EPHX3: variants seen among roughly 807,000 people sequenced by gnomAD.
The protein encoded by EPHX3 is abhydrolase domain containing 9.
In EPHX3, 39 loss-of-function variants were observed where a neutral mutation model predicts 40.2. The observed-to-expected ratio is 0.97, with a 90% confidence interval of 0.75 to 1.27. The LOEUF is 1.27. EPHX3 is among the 50% of genes most tolerant of loss of function. The probability of loss-of-function intolerance (pLI) is 0.00; values close to 1 mark genes in which losing one functional copy is unlikely to be tolerated. For synonymous variants in EPHX3, 213 were observed against 209.7 expected, an observed-to-expected ratio of 1.02 and a Z score of -0.14; for missense variants, 442 against 474.0, an observed-to-expected ratio of 0.93 and a Z score of 0.63.
upstream of EPHX3, among the ~76,000 whole-genome samples, chr19:15,234,705 C>CA (rs747431954): frequency 3.9e-5 from 6 of 152,074 alleles, no homozygotes; most frequent in South Asian, 6.3e-4. Flanking sequence ...CCTTTAAAAA[C>CA]ACTCCACTTG....
At position 15,227,862 on chromosome 19, in the gene EPHX3, A is replaced by G; in HGVS notation, c.766T>C (p.Leu256=). 1 of 1,614,130 alleles carries G rather than the reference A, an allele frequency of 6.2e-7. No individual in the cohort carries two copies. Among genetic ancestry groups the G allele is most frequent in the South Asian group, 1.1e-5 (1 of 91,084 alleles). Reference sequence around the variant, plus strand: ...AAGGCCTCGAGCTCGCTGGGGGTCAAGCATGGGATGCCTGTCTTGCGGTGG... The same window carrying G: ...AAGGCCTCGAGCTCGCTGGGGGTCAGGCATGGGATGCCTGTCTTGCGGTGG... ...LTHRKTGIPC[L]TPSELEAFLY... The change falls in exon 6 of 7, where the codon TTG becomes CTG. Residue 256 remains leucine, a synonymous_variant. Transcript: ENST00000221730.
At chr19:15,233,841 G>C (rs1056409043), upstream of EPHX3, among the ~76,000 whole-genome samples, 4 of 152,134 alleles carry the variant, frequency 2.6e-5, no homozygotes, top group African/African-American at 9.7e-5. Flanking sequence ...GAGGCGGGCG[G>C]ATCACGAGGT....
In EPHX3 at chr19:15,227,675, C is replaced by CA; in HGVS notation, c.858-14dup. On this transcript the variant is annotated splice_polypyrimidine_tract_variant and intron_variant, in intron 6 of 6. Coordinates refer to ENST00000221730, the MANE Select transcript of EPHX3 (RefSeq NM_024794.3). ...CAGGGGGAAGTTCCTGTGGCCAGGACAGACAGACAGGCAGACAGACAGGCA... is the reference window on the plus strand; with the variant it reads ...CAGGGGGAAGTTCCTGTGGCCAGGACAAGACAGACAGGCAGACAGACAGGCA... 1 of 1,611,984 alleles carries CA rather than the reference C, an allele frequency of 6.2e-7. No homozygotes were observed. The highest frequency in any genetic ancestry group is 8.5e-7 in the Non-Finnish European group (1 of 1,179,072).
upstream of EPHX3, among the ~76,000 whole-genome samples, chr19:15,234,492 G>A (rs1438038068): frequency 1.3e-5 from 2 of 152,066 alleles, no homozygotes; most frequent in Non-Finnish European, 2.9e-5. Context: ...ACTTTTCAGA[G>A]AGACGACTTG....
At chr19:15,235,258 G>C (rs1390590832), upstream of EPHX3, among the ~76,000 whole-genome samples, 1 of 151,750 alleles carries the variant, frequency 6.6e-6, no homozygotes, top group African/African-American at 2.4e-5. Flanking sequence ...CTCCCACCCC[G>C]GCCTCCCAAA....
upstream of EPHX3, chr19:15,232,522 G>C (rs551802483): frequency 5.0e-6 from 5 of 992,468 alleles, no homozygotes; most frequent in African/African-American, 3.5e-5. Flanking sequence ...GGTCCTGTGC[G>C]GGGCTTAGGG....
In EPHX3 at chr19:15,227,550, G is replaced by A. The variant is rs1354157256; in HGVS notation, c.970C>T (p.Pro324Ser). 1 of 1,614,026 alleles carries A rather than the reference G, an allele frequency of 6.2e-7. No individual in the cohort carries two copies. Residue 324 changes from proline (P) to serine (S), a missense_variant, in exon 7 of 7, where the codon CCG becomes TCG. Physicochemically the swap from Pro to Ser is moderately conservative, Grantham distance 74. Coordinates refer to ENST00000221730, the MANE Select transcript of EPHX3 (RefSeq NM_024794.3). The part of the protein sequence containing the change: ...LVEAIGSRFV[P>S]GRLEAHILPG... ...AGGATGTGGGCCTCCAAGCGGCCCGGCACAAAGCGGCTGCCGATGGCTTCC... is the reference window on the plus strand; with the variant it reads ...AGGATGTGGGCCTCCAAGCGGCCCGACACAAAGCGGCTGCCGATGGCTTCC...
In EPHX3 at chr19:15,232,052, C is replaced by T. The variant is rs771874349; in HGVS notation, c.160G>A (p.Gly54Ser). The change falls in exon 1 of 7, where the codon GGC becomes AGC. Residue 54 changes from glycine (G) to serine (S), a missense_variant. Coordinates refer to ENST00000221730, the MANE Select transcript of EPHX3 (RefSeq NM_024794.3). Reference protein sequence around the residue: ...LTHVLCRPRRGCCGRRRSASP... With the variant: ...LTHVLCRPRRSCCGRRRSASP... The stretch of plus-strand genomic sequence containing the variant: ...GCGCTCCGACGGCGCCCGCAGCAGC[C>T]GCGCCGGGGCCGGCACAGCACGTGC... 2 of 1,580,644 alleles carry T rather than the reference C, an allele frequency of 1.3e-6. No homozygotes were observed. Among genetic ancestry groups the T allele is most frequent in the Non-Finnish European group, 1.7e-6 (2 of 1,169,848 alleles).
chr19:15,229,828 A>C (rs1336920675), intron 4 of EPHX3, among the ~76,000 whole-genome samples: 1 of 141,370 alleles, frequency 7.1e-6, no homozygotes, highest in Non-Finnish European at 1.5e-5. Flanking sequence ...CGGAGGTTGC[A>C]GTGAACTGAG....
Position 15,227,215 on chromosome 19 carries a change from T to G in EPHX3, c.*222A>C. The G allele has an allele frequency of 3.7e-6, 2 of 538,568 alleles. No homozygotes were observed. Among genetic ancestry groups the G allele is most frequent in the Non-Finnish European group, 3.3e-6 (1 of 301,342 alleles). The allele number at this position is 538,568 out of a possible 1,614,324, so 33.4% of individuals were successfully genotyped here. ...ACCCAGTTCCCAGGGTCAAAGTGTTTGTTACACACACATGCATCCATGCCT... is the reference window on the plus strand; with the variant it reads ...ACCCAGTTCCCAGGGTCAAAGTGTTGGTTACACACACATGCATCCATGCCT... On this transcript the variant is annotated 3_prime_UTR_variant, in exon 7 of 7. Coordinates refer to ENST00000221730, the MANE Select transcript of EPHX3 (RefSeq NM_024794.3).
chr19:15,230,886 G>A, intron 4 of EPHX3, 76 bp downstream of exon 4: 1 of 1,572,472 alleles, frequency 6.4e-7, no homozygotes, highest in Non-Finnish European at 8.7e-7. Context: ...GGTATACAGA[G>A]AATTGAAAAC....
chr19:15,229,315 G>T (rs2047135507), intron 4 of EPHX3, among the ~76,000 whole-genome samples: 1 of 151,610 alleles, frequency 6.6e-6, no homozygotes, highest in Non-Finnish European at 1.5e-5. Context: ...AGGAGGTAGA[G>T]GTTGCCAGGC....
At chr19:15,231,476 G>A (rs768509079) in intron 2 of EPHX3, 80 bp from the exon 3 acceptor site, 10 of 1,511,146 alleles carry the variant, frequency 6.6e-6, no homozygotes, top group Non-Finnish European at 8.9e-6. Flanking sequence ...GCAACCATTG[G>A]CAAACCCTCC....
chr19:15,229,969 C>T (rs999247419), intron 4 of EPHX3, among the ~76,000 whole-genome samples: 1 of 147,728 alleles, frequency 6.8e-6, no homozygotes, highest in African/African-American at 2.5e-5. Flanking sequence ...ACAGTTATGA[C>T]CACAGTGCTG....
At position 15,227,012 on chromosome 19, in the gene EPHX3, AG is replaced by A. The variant is rs2047116864; in HGVS notation, c.*424del. On this transcript the variant is annotated 3_prime_UTR_variant, in exon 7 of 7. Coordinates refer to ENST00000221730, the MANE Select transcript of EPHX3 (RefSeq NM_024794.3). ...ATGTGGTCAGCAGTATTGTATTCAG[AG>A]TAGCACTGAGCTGAAGACCCAGGCA... 1 of 228,616 alleles carries A rather than the reference AG, an allele frequency of 4.4e-6. No homozygotes were observed. The highest frequency in any genetic ancestry group is 8.7e-6 in the Non-Finnish European group (1 of 115,582). The allele number at this position is 228,616 out of a possible 1,614,324, so 14.2% of individuals were successfully genotyped here. A position where few individuals can be genotyped will look rare whatever the true frequency, so the allele number is the denominator to read the frequency against.
chr19:15,227,908 CT>C lies in EPHX3; in HGVS notation c.721-2del. The C allele has an allele frequency of 6.2e-7, 1 of 1,614,060 alleles. No homozygotes were observed. Among genetic ancestry groups the C allele is most frequent in the Non-Finnish European group, 8.5e-7 (1 of 1,180,022 alleles). On this transcript the variant is annotated splice_acceptor_variant, in intron 5 of 6. Transcript: ENST00000221730. LOFTEE classifies it high-confidence loss of function. ...GGTGGGTGAGGGTGGTCTTCAGAAT[CT>C]AGGTACACAGCAGGACTCTGGCTTC...
At position 15,229,885 on chromosome 19, in the gene EPHX3, CAAAAAAAAAAAAA is replaced by C. The variant is rs546876108; in HGVS notation, c.616+1064_616+1076del. On this transcript the variant is annotated intron_variant, in intron 4 of 6. Transcript: ENST00000221730. ...CTGGCGACAGAGCAAGACTCTGTCT[CAAAAAAAAAAAAA>C]AAAAAAAAAAAAAGAAAAGAAAAGA... is the stretch of plus-strand genomic sequence containing the variant. Among the ~76,000 whole-genome samples, 43 of 9,370 alleles carry C rather than the reference CAAAAAAAAAAAAA, an allele frequency of 4.6e-3. 1 individual carries two copies. The South Asian group carries it at 0.23, about 50-fold the overall frequency. The allele number at this position is 9,370 out of a possible 152,430, so 6.1% of individuals were successfully genotyped here. A position where few individuals can be genotyped will look rare whatever the true frequency, so the allele number is the denominator to read the frequency against.
In EPHX3 at chr19:15,227,840, G is replaced by T. The variant is rs565064118; in HGVS notation, c.788C>A (p.Ala263Asp). Residue 263 changes from alanine (A) to aspartate (D), a missense_variant, in exon 6 of 7, where the codon GCC becomes GAC. Physicochemically the swap from Ala to Asp is moderately radical, Grantham distance 126 (BLOSUM62 -2). Coordinates refer to ENST00000221730, the MANE Select transcript of EPHX3 (RefSeq NM_024794.3). ...IPCLTPSELE[A>D]FLYNFSQPGG... The stretch of plus-strand genomic sequence containing the variant: ...AGGCTGTGAGAAGTTATAAAGGAAG[G>T]CCTCGAGCTCGCTGGGGGTCAAGCA... The T allele has an allele frequency of 2.5e-6, 4 of 1,614,000 alleles. No homozygotes were observed. Among genetic ancestry groups the T allele is most frequent in the African/African-American group, 2.7e-5 (2 of 74,892 alleles).
At chr19:15,233,359 C>G (rs1440749457), upstream of EPHX3, 3 of 152,296 alleles carry the variant, frequency 2.0e-5, no homozygotes, top group African/African-American at 4.8e-5. Context: ...CACCCAGGGG[C>G]GCGCGACCCT....
Sources: gnomAD v4.1 joint callset for allele counts (sites outside exome capture counted in the v4.1 genomes callset) on GRCh38, gnomAD v4.1.1 for gene constraint, MANE v1.5 for transcripts, NCBI Gene and HGNC (gene_info 2026-07-23, HGNC 2026-07-21) for gene names.